Variants in SIRT5 observed in about 807,000 individuals in gnomAD.
The protein encoded by SIRT5 is NAD-dependent protein deacylase sirtuin-5, mitochondrial.
A neutral mutation model predicts 40.0 loss-of-function variants in SIRT5; 26 were observed. The ratio of observed to expected loss-of-function variants is 0.65; its 90% CI spans 0.48 to 0.90. The LOEUF (loss-of-function observed/expected upper bound fraction) is 0.90. SIRT5 is among the 40% of genes least tolerant of loss of function. The probability of loss-of-function intolerance (pLI) is 0.00; values close to 1 mark genes in which losing one functional copy is unlikely to be tolerated. For missense variants in SIRT5, 401 were observed against 402.4 expected (o/e 1.00, Z 0.03); for synonymous variants, 146 against 149.1 (o/e 0.98, Z 0.15).
At chr6:13,575,601 A>G (rs1296287380) in intron 1 of SIRT5, among the ~76,000 whole-genome samples, 1 of 152,064 alleles carries the variant, frequency 6.6e-6, no homozygotes, top group Non-Finnish European at 1.5e-5. Context: ...ATGTTTTGAT[A>G]TATGTATACA....
intron 9 of SIRT5, chr6:13,604,447 T>C (rs767327626): frequency 1.5e-6 from 2 of 1,320,080 alleles, no homozygotes; most frequent in South Asian, 1.2e-5. Context: ...TGTCCCCAGT[T>C]TGGTTCTTCT....
Position 13,600,897 on chromosome 6 carries a change from G to A in SIRT5, c.805G>A (p.Val269Met), listed in dbSNP as rs146449652. 130 of 1,614,108 alleles carry A rather than the reference G, an allele frequency of 8.1e-5. No individual in the cohort carries two copies. Among genetic ancestry groups the A allele is most frequent in the Non-Finnish European group, 9.8e-5 (116 of 1,180,020 alleles). ...MFAPQVAARG[V>M]PVAEFNTETT... ...TGCCCCCCAGGTGGCTGCCAGGGGC[G>A]TGCCAGTGGCTGAATTTAACACGGA... Residue 269 changes from valine to methionine, a missense_variant, in exon 9 of 10, where the codon GTG becomes ATG. By Grantham distance (21) the Val-to-Met change is conservative. Transcript: ENST00000606117.
At chr6:13,598,554 G>A (rs1761918406) in intron 7 of SIRT5, among the ~76,000 whole-genome samples, 1 of 152,200 alleles carries the variant, frequency 6.6e-6, no homozygotes, top group Non-Finnish European at 1.5e-5. Flanking sequence ...GTTCTGCAGG[G>A]CGCGGTGGCT....
chr6:13,591,553 C>A, intron 4 of SIRT5, 116 bp from the exon 5 acceptor site: 1 of 836,200 alleles, frequency 1.2e-6, no homozygotes, highest in Non-Finnish European at 1.8e-6. Context: ...CCATCTCCAG[C>A]CTGCACCTTC....
intron 1 of SIRT5, among the ~76,000 whole-genome samples, chr6:13,577,071 A>C (rs1758727842): frequency 6.6e-6 from 1 of 152,074 alleles, no homozygotes; most frequent in East Asian, 1.9e-4. Context: ...ATATATTTTG[A>C]GATTAGGGAG....
At chr6:13,577,284 A>T (rs937326114) in intron 1 of SIRT5, among the ~76,000 whole-genome samples, 1 of 152,144 alleles carries the variant, frequency 6.6e-6, no homozygotes, top group Admixed American at 6.5e-5. Flanking sequence ...TAATCCGCGA[A>T]CATGGGATAC....
rs1764196726 is a variant in SIRT5 at position 13,614,596 on chromosome 6, C to T, written c.*2731C>T. ...ATATACCACAAAACTCGGGTGCATT[C>T]TCTAGGGACCGGCGAAGCCATTCTT... On this transcript the variant is annotated 3_prime_UTR_variant, in exon 10 of 10. Transcript: ENST00000606117. The T allele has an allele frequency of 6.6e-6, 1 of 152,260 alleles. No individual in the cohort carries two copies. The highest frequency in any genetic ancestry group is 1.5e-5 in the Non-Finnish European group (1 of 68,056). 9.4% of individuals were successfully genotyped at this position (152,260 alleles called of 1,614,324 possible).
chr6:13,605,600 C>G, intron 9 of SIRT5: 1 of 985,456 alleles, frequency 1.0e-6, no homozygotes, highest in Non-Finnish European at 1.2e-6. Flanking sequence ...TCTCCTCCCA[C>G]AGGAATGTAT....
At chr6:13,584,024 A>C in intron 2 of SIRT5, 52 bp from the exon 3 acceptor site, 2 of 780,960 alleles carry the variant, frequency 2.6e-6, no homozygotes, top group Non-Finnish European at 4.2e-6. Context: ...TCCATATATA[A>C]AAATATTTGC....
rs1009807277 is a variant in SIRT5, at chr6:13,614,997, C to T, written c.*3132C>T. On this transcript the variant is annotated 3_prime_UTR_variant, in exon 10 of 10. Transcript: ENST00000606117. ...CAAAAAACGGCGGCGAGCAGCGCCT[C>T]GGGCCCGCGATTACCGGTTTTCTGA... The T allele has an allele frequency of 1.1e-4, 26 of 240,530 alleles. No individual in the cohort carries two copies. The highest frequency in any genetic ancestry group is 1.5e-4 in the Non-Finnish European group (19 of 124,880). The allele number at this position is 240,530 out of a possible 1,614,324, so 14.9% of individuals were successfully genotyped here.
intron 9 of SIRT5, among the ~76,000 whole-genome samples, chr6:13,606,021 C>T (rs1400548031): frequency 6.6e-6 from 1 of 152,186 alleles, no homozygotes; most frequent in Non-Finnish European, 1.5e-5. Flanking sequence ...GTAAACAAAA[C>T]AAATATCTAC....
chr6:13,580,565 T>G (rs186502813), intron 2 of SIRT5, among the ~76,000 whole-genome samples: 1 of 152,276 alleles, frequency 6.6e-6, no homozygotes, highest in East Asian at 1.9e-4. Context: ...GTATCTGGCT[T>G]CTTTCACTTA....
chr6:13,589,828 G>A (rs1365302972), intron 4 of SIRT5, among the ~76,000 whole-genome samples: 2 of 152,158 alleles, frequency 1.3e-5, no homozygotes, highest in Non-Finnish European at 2.9e-5. Flanking sequence ...TCGGAGGAGG[G>A]GCGCTTAGTT....
intron 9 of SIRT5, chr6:13,604,912 A>AACC: frequency 1.0e-6 from 1 of 1,003,182 alleles, no homozygotes; most frequent in Non-Finnish European, 1.2e-6. Context: ...GCTACTTATC[A>AACC]ACCAGACTGA....
chr6:13,589,708 G>A (rs1760570784), intron 4 of SIRT5, among the ~76,000 whole-genome samples: 2 of 152,138 alleles, frequency 1.3e-5, no homozygotes, highest in Admixed American at 1.3e-4. Context: ...AGGTGAAGTG[G>A]GGAGAAAGGA....
rs2127751348 is a variant in SIRT5, at chr6:13,614,063, G to A, written c.*2198G>A. The A allele has an allele frequency of 6.6e-6, 1 of 152,258 alleles. No homozygotes were observed. Among genetic ancestry groups the A allele is most frequent in the African/African-American group, 2.4e-5 (1 of 41,558 alleles). 9.4% of individuals were successfully genotyped at this position (152,258 alleles called of 1,614,324 possible). ...TAAATTGAGAATTGCTTCTAAAACA[G>A]AAGACATGAAAAGAGAATTAAAAAT... On this transcript the variant is annotated 3_prime_UTR_variant, in exon 10 of 10. Coordinates refer to ENST00000606117, the MANE Select transcript of SIRT5 (RefSeq NM_012241.5).
intron 1 of SIRT5, among the ~76,000 whole-genome samples, chr6:13,575,732 T>TC (rs1409566211): frequency 6.6e-6 from 1 of 152,188 alleles, no homozygotes; most frequent in Non-Finnish European, 1.5e-5. Context: ...CACCATGCTG[T>TC]GCAGTAGATC....
chr6:13,607,229 G>GT lies in SIRT5; in HGVS notation c.858-4560dup, dbSNP rs1763236333. Among the ~76,000 whole-genome samples, 1 of 151,876 alleles carries GT rather than the reference G, an allele frequency of 6.6e-6. No homozygotes were observed. The highest frequency in any genetic ancestry group is 2.4e-5 in the African/African-American group (1 of 41,326). On this transcript the variant is annotated intron_variant, in intron 9 of 9. Coordinates refer to ENST00000606117, the MANE Select transcript of SIRT5 (RefSeq NM_012241.5). The surrounding 1 kb of genome is among the most constrained non-coding windows in gnomAD (Gnocchi z 4.0). ...AGGGGGAAGATGCCTGTTTATCTGT[G>GT]TAGTTAGCAAATGACCCAGGTAATT...
intron 3 of SIRT5, 44 bp downstream of exon 3, chr6:13,584,269 G>A (rs202210550): frequency 9.7e-6 from 13 of 1,345,496 alleles, no homozygotes; most frequent in Admixed American, 6.7e-5. Flanking sequence ...CAAATGTGAA[G>A]TACCTGAAAG....
Sources: allele counts gnomAD v4.1 joint callset (sites outside exome capture counted in the v4.1 genomes callset), GRCh38; gene constraint gnomAD v4.1.1; non-coding constraint Gnocchi (gnomAD v3.1); transcripts MANE v1.5; gene names NCBI Gene and HGNC (gene_info 2026-07-23, HGNC 2026-07-21).